The following IRAK1BP1 variants were observed in gnomAD, a reference collection of about 807,000 sequenced individuals.
The protein encoded by IRAK1BP1 is interleukin 1 receptor associated kinase 1 binding protein 1.
IRAK1BP1 carries 24 observed loss-of-function variants against 28.0 expected under a neutral mutation model. That is an observed-to-expected ratio of 0.86 (90% CI 0.62 to 1.20). The LOEUF (loss-of-function observed/expected upper bound fraction) is 1.20. Ranked by LOEUF, IRAK1BP1 falls within the 50% of genes most tolerant of loss-of-function variation. IRAK1BP1 has a pLI of 0.00. For missense variants in IRAK1BP1, 336 were observed against 316.7 expected (o/e 1.06, Z -0.46); for synonymous variants, 131 against 116.3 (o/e 1.13, Z -0.81).
chr6:78,892,379 T>G lies in IRAK1BP1; in HGVS notation c.382-5450T>G, dbSNP rs1444985848. On this transcript the variant is annotated intron_variant, in intron 2 of 3. Coordinates refer to ENST00000369940, the MANE Select transcript of IRAK1BP1 (RefSeq NM_001010844.4). ...TTAACTTTTTGGCATTTGCATCATA[T>G]TGTTCCCTCAATTCAGCTTATAGTC... 2.0e-5 allele frequency among the ~76,000 whole-genome samples: 3 copies of G among 152,178 alleles called. No homozygotes were observed. In the South Asian group the frequency reaches 6.2e-4, roughly 32 times the overall value.
chr6:78,917,972 T>C (rs945295328), intron 4 of IRAK1BP1, among the ~76,000 whole-genome samples: 1 of 152,102 alleles, frequency 6.6e-6, no homozygotes, highest in Non-Finnish European at 1.5e-5. Context: ...CAAAACACAC[T>C]TAAGTACATA....
At position 78,899,069 on chromosome 6, in the gene IRAK1BP1, A is replaced by G. The variant is rs945643541; in HGVS notation, c.*735A>G. 5 of 152,240 alleles carry G rather than the reference A, an allele frequency of 3.3e-5. No individual in the cohort carries two copies. Among genetic ancestry groups the G allele is most frequent in the African/African-American group, 7.2e-5 (3 of 41,450 alleles). The allele number at this position is 152,240 out of a possible 1,614,324, so 9.4% of individuals were successfully genotyped here. ...CCCATGGGGGCAAAATGATATGGCC[A>G]TATGCAATATGGCTACATATACAGC... On this transcript the variant is annotated 3_prime_UTR_variant, in exon 4 of 4. Transcript: ENST00000369940.
chr6:78,891,244 T>C (rs1169848405), intron 2 of IRAK1BP1, among the ~76,000 whole-genome samples: 1 of 152,180 alleles, frequency 6.6e-6, no homozygotes, highest in African/African-American at 2.4e-5. Flanking sequence ...AATGCAATCA[T>C]AGTACACTAT....
intron 4 of IRAK1BP1, among the ~76,000 whole-genome samples, chr6:78,913,177 TA>T (rs546195702): frequency 6.6e-6 from 1 of 150,446 alleles, no homozygotes; most frequent in African/African-American, 2.4e-5. Flanking sequence ...CTACTAAAAA[TA>T]AAAAAAATTA....
chr6:78,964,792 G>C, the IRAK1BP1 span, among the ~76,000 whole-genome samples: 14 of 152,186 alleles, frequency 9.2e-5, no homozygotes, highest in African/African-American at 3.4e-4. Context: ...CTCCTGCCCT[G>C]TAATATATTA....
chr6:78,977,271 C>G, the IRAK1BP1 span, among the ~76,000 whole-genome samples: 1 of 150,158 alleles, frequency 6.7e-6, no homozygotes, highest in Non-Finnish European at 1.5e-5. Flanking sequence ...TAAACTATTG[C>G]AAGAACAAAA....
the IRAK1BP1 span, among the ~76,000 whole-genome samples, chr6:78,972,807 G>T: frequency 6.6e-6 from 1 of 152,144 alleles, no homozygotes; most frequent in African/African-American, 2.4e-5. Context: ...ATGAAATGAA[G>T]CGAGAAGGGA....
At chr6:78,934,754 T>C (rs1354607805) in intron 4 of IRAK1BP1, among the ~76,000 whole-genome samples, 1 of 152,152 alleles carries the variant, frequency 6.6e-6, no homozygotes, top group African/African-American at 2.4e-5. Context: ...ACTTTACAGA[T>C]GAGGAAAATG....
chr6:78,903,620 A>G (rs1380414632), downstream of IRAK1BP1, among the ~76,000 whole-genome samples: 1 of 152,054 alleles, frequency 6.6e-6, no homozygotes, highest in Non-Finnish European at 1.5e-5. Context: ...GAAAGTTCTA[A>G]TCTAAAATGA....
chr6:78,892,050 T>A (rs1771682914), intron 2 of IRAK1BP1, among the ~76,000 whole-genome samples: 2 of 152,178 alleles, frequency 1.3e-5, no homozygotes, highest in Admixed American at 1.3e-4. Context: ...CAAAATTGAC[T>A]CACTAGTAGC....
At chr6:78,955,069 A>C in the IRAK1BP1 span, 10 of 928,868 alleles carry the variant, frequency 1.1e-5, no homozygotes, top group South Asian at 1.9e-4. Flanking sequence ...TAATTCAAAC[A>C]AAAGAAAATA....
At chr6:78,955,245 G>A in the IRAK1BP1 span, 2 of 1,606,938 alleles carry the variant, frequency 1.2e-6, no homozygotes, top group Non-Finnish European at 1.7e-6. Flanking sequence ...CCTTTTTCGA[G>A]TAGAAGTTCC....
chr6:78,970,670 G>T, the IRAK1BP1 span: 3 of 672,520 alleles, frequency 4.5e-6, no homozygotes, highest in Non-Finnish European at 7.5e-6. Context: ...ATTAAACAAG[G>T]TATCTTCATG....
the IRAK1BP1 span, among the ~76,000 whole-genome samples, chr6:78,971,177 A>C: frequency 2.0e-5 from 3 of 152,368 alleles, no homozygotes; most frequent in East Asian, 5.8e-4. Flanking sequence ...TATGTTGCAT[A>C]ATAACGTTGA....
chr6:78,872,194 C>G (rs1770817303), intron 1 of IRAK1BP1: 2 of 683,032 alleles, frequency 2.9e-6, no homozygotes, highest in Non-Finnish European at 5.3e-6. Flanking sequence ...GAGCTGACCA[C>G]AGCGGTAATT....
chr6:78,903,449 C>T (rs1480099404), downstream of IRAK1BP1, among the ~76,000 whole-genome samples: 1 of 152,092 alleles, frequency 6.6e-6, no homozygotes, highest in Non-Finnish European at 1.5e-5. Flanking sequence ...TGAGATCACA[C>T]CACTGCACTC....
intron 1 of IRAK1BP1, among the ~76,000 whole-genome samples, chr6:78,878,679 C>A (rs548390152): frequency 6.6e-6 from 1 of 152,154 alleles, no homozygotes; most frequent in South Asian, 2.1e-4. Flanking sequence ...AGGCTTCAGA[C>A]GATCGGTAAT....
At position 78,867,899 on chromosome 6, in the gene IRAK1BP1, C is replaced by T. The variant is rs1213827118; in HGVS notation, c.315+8C>T. On this transcript the variant is annotated splice_region_variant and intron_variant, in intron 1 of 3. Coordinates refer to ENST00000369940, the MANE Select transcript of IRAK1BP1 (RefSeq NM_001010844.4). The stretch of plus-strand genomic sequence containing the variant: ...CAGCAGCAGGGCGTGCAGGTGAGAT[C>T]TCCGCGGGGGAGGAAATAAGAGCCG... 2.6e-6 allele frequency: 4 copies of T among 1,566,746 alleles called. No individual in the cohort carries two copies. The highest frequency in any genetic ancestry group is 3.5e-6 in the Non-Finnish European group (4 of 1,155,064).
Position 78,902,334 on chromosome 6 carries a change from C to G in IRAK1BP1, c.*4000C>G, listed in dbSNP as rs1339165221. ...ATTTTTTATTAGTGATAAGGTCTTGCTATGTTGCCCAGGCTGGTCTCAAAC... is the reference window on the plus strand; with the variant it reads ...ATTTTTTATTAGTGATAAGGTCTTGGTATGTTGCCCAGGCTGGTCTCAAAC... On this transcript the variant is annotated 3_prime_UTR_variant, in exon 4 of 4. Transcript: ENST00000369940. The G allele has an allele frequency of 1.3e-5, 2 of 152,748 alleles. No homozygotes were observed. Among genetic ancestry groups the G allele is most frequent in the African/African-American group, 4.8e-5 (2 of 41,444 alleles). The allele number at this position is 152,748 out of a possible 1,614,324, so 9.5% of individuals were successfully genotyped here.
Sources: allele counts gnomAD v4.1 joint callset (sites outside exome capture counted in the v4.1 genomes callset), GRCh38; gene constraint gnomAD v4.1.1; transcripts MANE v1.5; gene names NCBI Gene and HGNC (gene_info 2026-07-23, HGNC 2026-07-21).